The following NEGR1 variants were observed in gnomAD, a reference collection of about 807,000 sequenced individuals.
NEGR1 encodes the protein neuronal growth regulator 1, also known as IgLON family member 4.
Under a neutral mutation model 40.9 loss-of-function variants are expected in NEGR1, and 10 were observed. The observed-to-expected ratio is 0.24, with a 90% CI of 0.15 to 0.42. The LOEUF (loss-of-function observed/expected upper bound fraction) is 0.42. Among genes scored for constraint, NEGR1 ranks in the 10% least tolerant of loss-of-function variants. The pLI is 1.00. For missense variants in NEGR1, 352 were observed against 438.9 expected (o/e 0.80, Z 1.77); for synonymous variants, 185 against 166.8 (o/e 1.11, Z -0.84).
At chr1:72,149,898 A>AAAAAAG (rs1651055741) in intron 1 of NEGR1, among the ~76,000 whole-genome samples, 1 of 148,912 alleles carries the variant, frequency 6.7e-6, no homozygotes, top group Non-Finnish European at 1.5e-5. Context: ...AAAAAAAAAA[A>AAAAAAG]AAAGAAAGAA....
intron 2 of NEGR1, among the ~76,000 whole-genome samples, chr1:71,929,000 C>A (rs1645828834): frequency 6.6e-6 from 1 of 152,012 alleles, no homozygotes; most frequent in Non-Finnish European, 1.5e-5. Context: ...AGTATGTATA[C>A]CCCTATCCAT....
chr1:72,171,064 C>G (rs1651945934), intron 1 of NEGR1, among the ~76,000 whole-genome samples: 1 of 152,078 alleles, frequency 6.6e-6, no homozygotes, highest in Non-Finnish European at 1.5e-5. Flanking sequence ...TAGGCTCTGC[C>G]AAAATAGGCT....
intron 2 of NEGR1, among the ~76,000 whole-genome samples, chr1:71,898,480 T>C (rs1250071469): frequency 1.3e-5 from 2 of 152,124 alleles, no homozygotes; most frequent in Admixed American, 6.5e-5. Flanking sequence ...CCGGGCGTAG[T>C]GGCGGATGCC....
intron 1 of NEGR1, among the ~76,000 whole-genome samples, chr1:72,093,607 G>T (rs1181104483): frequency 6.6e-6 from 1 of 152,066 alleles, no homozygotes; most frequent in Non-Finnish European, 1.5e-5. Context: ...AACCTAATGA[G>T]ATATGAGAAC....
At chr1:71,647,051 T>C (rs1651554241) in intron 4 of NEGR1, among the ~76,000 whole-genome samples, 1 of 151,868 alleles carries the variant, frequency 6.6e-6, no homozygotes, top group Admixed American at 6.6e-5. Context: ...TCACATTATA[T>C]AAGAAGATAT....
chr1:72,185,099 T>G (rs1048622641), intron 1 of NEGR1, among the ~76,000 whole-genome samples: 2 of 151,968 alleles, frequency 1.3e-5, no homozygotes, highest in Non-Finnish European at 2.9e-5. Flanking sequence ...GCCTGGCACC[T>G]GGAACATGGC....
At position 71,486,468 on chromosome 1, in the gene NEGR1, C is replaced by T. The variant is rs537555634; in HGVS notation, c.941-78898G>A. The T allele has an allele frequency of 3.2e-4, 48 of 151,188 alleles. No individual in the cohort carries two copies. The Admixed American group carries it at 3.2e-3, about 10-fold the overall frequency. The allele number at this position is 151,188 out of a possible 1,614,324, so 9.4% of individuals were successfully genotyped here. Reference sequence around the variant, plus strand: ...AGACTTGGGAAGAATATGAAAGGACCAGGAGGGACACCTTTCCTAATAACC... The same window carrying T: ...AGACTTGGGAAGAATATGAAAGGACTAGGAGGGACACCTTTCCTAATAACC... On this transcript the variant is annotated intron_variant, in intron 6 of 6. Transcript: ENST00000357731.
In NEGR1 at chr1:71,549,380, G is replaced by A. The variant is rs542010101; in HGVS notation, c.940+43437C>T. Among the ~76,000 whole-genome samples, 3 of 151,770 alleles carry A rather than the reference G, an allele frequency of 2.0e-5. No homozygotes were observed. The South Asian group carries it at 6.2e-4, about 31-fold the overall frequency. ...GTTCAACTTGGCGGGGAAAGAGAGT[G>A]TTATGCACTGGTTCCTCCATGCTTT... is the stretch of plus-strand genomic sequence containing the variant. On this transcript the variant is annotated intron_variant, in intron 6 of 6. Coordinates refer to ENST00000357731, the MANE Select transcript of NEGR1 (RefSeq NM_173808.3).
intron 6 of NEGR1, among the ~76,000 whole-genome samples, chr1:71,413,964 C>A (rs932435947): frequency 6.6e-6 from 1 of 152,038 alleles, no homozygotes; most frequent in East Asian, 1.9e-4. Flanking sequence ...CAATTACTTC[C>A]CTAGAAATTT....
chr1:71,975,330 A>G (rs1280411132), intron 1 of NEGR1, among the ~76,000 whole-genome samples: 1 of 152,116 alleles, frequency 6.6e-6, no homozygotes, highest in East Asian at 1.9e-4. Context: ...CATCTTTTAC[A>G]GTCTTCTGAA....
chr1:71,789,489 T>G (rs990263979), intron 2 of NEGR1, among the ~76,000 whole-genome samples: 5 of 152,112 alleles, frequency 3.3e-5, no homozygotes, highest in African/African-American at 1.2e-4. Flanking sequence ...ACAGAAATAC[T>G]TTGCCACTTC....
intron 1 of NEGR1, among the ~76,000 whole-genome samples, chr1:72,055,987 G>C (rs1029720193): frequency 6.7e-6 from 1 of 150,110 alleles, no homozygotes; most frequent in African/African-American, 2.4e-5. Flanking sequence ...CTAAAATTCT[G>C]GTATTAATTC....
At chr1:71,904,118 T>C (rs968215110) in intron 2 of NEGR1, among the ~76,000 whole-genome samples, 1 of 151,990 alleles carries the variant, frequency 6.6e-6, no homozygotes, top group African/African-American at 2.4e-5. Flanking sequence ...TGTGAAGCAG[T>C]GCCTCAGGAA....
intron 1 of NEGR1, among the ~76,000 whole-genome samples, chr1:72,019,775 T>C (rs192846312): frequency 1.2e-4 from 19 of 152,236 alleles, no homozygotes; most frequent in Non-Finnish European, 2.5e-4. Flanking sequence ...CATTTTAACC[T>C]AAAATCATTC....
At chr1:72,058,260 T>A (rs1647130044) in intron 1 of NEGR1, among the ~76,000 whole-genome samples, 1 of 144,484 alleles carries the variant, frequency 6.9e-6, no homozygotes, top group Admixed American at 6.8e-5. Flanking sequence ...ATCTAATAAG[T>A]TTTTTTTTTG....
intron 6 of NEGR1, among the ~76,000 whole-genome samples, chr1:71,470,199 G>A (rs930374018): frequency 3.3e-5 from 5 of 152,176 alleles, no homozygotes; most frequent in South Asian, 2.1e-4. Flanking sequence ...GGCAGCTTTC[G>A]AAGCATTCTG....
At chr1:72,087,909 A>C (rs934797490) in intron 1 of NEGR1, among the ~76,000 whole-genome samples, 1 of 152,020 alleles carries the variant, frequency 6.6e-6, no homozygotes, top group Non-Finnish European at 1.5e-5. Flanking sequence ...ATAACTGCAT[A>C]ATATGGAAGA....
At chr1:72,255,547 C>CTTTTT (rs35452808) in intron 1 of NEGR1, among the ~76,000 whole-genome samples, 51 of 125,334 alleles carry the variant, frequency 4.1e-4, no homozygotes, top group Non-Finnish European at 7.3e-4. Flanking sequence ...AAAAATACTT[C>CTTTTT]TTTTTTTTTT....
intron 3 of NEGR1, among the ~76,000 whole-genome samples, chr1:71,761,751 G>A (rs1376349529): frequency 1.3e-5 from 2 of 151,750 alleles, no homozygotes; most frequent in Non-Finnish European, 2.9e-5. Flanking sequence ...AACATTCTCC[G>A]ACAAGGAAGA....
Sources: allele counts gnomAD v4.1 joint callset (sites outside exome capture counted in the v4.1 genomes callset), GRCh38; gene constraint gnomAD v4.1.1; transcripts MANE v1.5; gene names NCBI Gene and HGNC (gene_info 2026-07-23, HGNC 2026-07-21).